Variants in SLC41A2 observed in about 807,000 individuals in gnomAD.
The protein encoded by SLC41A2 is SLC41A1-like 1.
In SLC41A2, 32 loss-of-function variants were observed where a neutral mutation model predicts 58.3. The observed-to-expected ratio is 0.55, with a 90% CI of 0.41 to 0.74. The LOEUF (loss-of-function observed/expected upper bound fraction) is 0.74. SLC41A2 is among the 30% of genes least tolerant of loss of function. The pLI, the probability that SLC41A2 is intolerant of heterozygous loss-of-function variation, is 0.00. For missense variants in SLC41A2, 514 were observed against 680.6 expected, an observed-to-expected ratio of 0.76 and a Z score of 2.72; for synonymous variants, 190 against 235.0, an observed-to-expected ratio of 0.81 and a Z score of 1.75.
chr12:104,808,380 T>C (rs2041018610), intron 10 of SLC41A2, among the ~76,000 whole-genome samples: 3 of 152,132 alleles, frequency 2.0e-5, no homozygotes, highest in African/African-American at 2.4e-5. Flanking sequence ...TATTGATTTG[T>C]GTATGTTGAA....
chr12:104,808,370 T>C (rs1298390662), intron 10 of SLC41A2, among the ~76,000 whole-genome samples: 1 of 152,210 alleles, frequency 6.6e-6, no homozygotes, highest in Non-Finnish European at 1.5e-5. Flanking sequence ...GGATTATGTT[T>C]ATTGATTTGT....
chr12:104,866,671 C>T (rs936960883), intron 6 of SLC41A2, 92 bp from the exon 7 acceptor site: 31 of 1,056,612 alleles, frequency 2.9e-5, no homozygotes, highest in South Asian at 1.4e-4. Flanking sequence ...CTAGAAGGTA[C>T]GACACTATCA....
chr12:104,895,191 G>A, intron 4 of SLC41A2, 83 bp downstream of exon 4: 5 of 931,182 alleles, frequency 5.4e-6, no homozygotes, highest in Non-Finnish European at 8.7e-6. Flanking sequence ...TAGACTCATA[G>A]TACTAAAATT....
In SLC41A2 at chr12:104,856,218, A is replaced by G. The variant is rs571258862; in HGVS notation, c.1255+5073T>C. 1.3e-4 allele frequency among the ~76,000 whole-genome samples: 20 copies of G among 152,332 alleles called. No homozygotes were observed. In the South Asian group the frequency reaches 3.5e-3, roughly 27 times the overall value. ...TAGAAGCTCAAGAGCAGGGTCTTGA[A>G]GAATACAAAGAGACAGGTAGAAAGA... On this transcript the variant is annotated intron_variant, in intron 8 of 10. Transcript: ENST00000258538.
chr12:104,859,632 A>G (rs2043135089), intron 8 of SLC41A2, among the ~76,000 whole-genome samples: 1 of 152,212 alleles, frequency 6.6e-6, no homozygotes, highest in Non-Finnish European at 1.5e-5. Context: ...TTGATATTCT[A>G]AAGTGATATA....
chr12:104,947,351 G>C (rs144021419), intron 1 of SLC41A2, among the ~76,000 whole-genome samples: 2 of 150,984 alleles, frequency 1.3e-5, no homozygotes, highest in Non-Finnish European at 3.0e-5. Flanking sequence ...CTACAGGTGC[G>C]CACCACCATG....
chr12:104,852,488 T>C (rs796115701), intron 8 of SLC41A2, among the ~76,000 whole-genome samples: 7 of 152,318 alleles, frequency 4.6e-5, no homozygotes, highest in African/African-American at 1.7e-4. Context: ...AATTTGTTGG[T>C]AAAACTTTAT....
intron 6 of SLC41A2, among the ~76,000 whole-genome samples, chr12:104,868,887 A>G (rs2043613403): frequency 6.6e-6 from 1 of 152,214 alleles, no homozygotes; most frequent in Non-Finnish European, 1.5e-5. Context: ...GCCAGACTCA[A>G]AAGGTCACAT....
intron 6 of SLC41A2, among the ~76,000 whole-genome samples, chr12:104,881,224 T>G (rs2044352376): frequency 6.6e-6 from 1 of 152,154 alleles, no homozygotes; most frequent in Non-Finnish European, 1.5e-5. Context: ...TTATTAGTCT[T>G]GCTAGCGGTC....
intron 10 of SLC41A2, among the ~76,000 whole-genome samples, chr12:104,807,856 GCTCT>G (rs1414774906): frequency 5.3e-5 from 8 of 151,922 alleles, no homozygotes; most frequent in South Asian, 4.2e-4. Context: ...TCATGATTTG[GCTCT>G]CTGTTTGTCT....
chr12:104,926,797 G>C lies in SLC41A2; in HGVS notation c.555+1176C>G, dbSNP rs74343030. 3.4e-3 allele frequency among the ~76,000 whole-genome samples: 520 copies of C among 152,270 alleles called. 2 individuals are homozygous for C. Among genetic ancestry groups the C allele is most frequent in the African/African-American group, 0.012 (483 of 41,534 alleles). On this transcript the variant is annotated intron_variant, in intron 2 of 10. Coordinates refer to ENST00000258538, the MANE Select transcript of SLC41A2 (RefSeq NM_001352171.3). ...ATATGAAAAAGATCAAGAAGACCCA[G>C]TGTTGGCTGGGCACAGTGGTACACA...
intron 3 of SLC41A2, among the ~76,000 whole-genome samples, chr12:104,906,044 G>A (rs902551544): frequency 3.3e-5 from 5 of 152,218 alleles, no homozygotes; most frequent in Non-Finnish European, 7.3e-5. Context: ...AGCAAGCGAG[G>A]GCTCTGAGGA....
chr12:104,932,741 C>T (rs1453233109), intron 1 of SLC41A2, among the ~76,000 whole-genome samples: 1 of 150,378 alleles, frequency 6.6e-6, no homozygotes, highest in Admixed American at 6.6e-5. Context: ...CCAAATACAA[C>T]CAACTGATAT....
intron 3 of SLC41A2, among the ~76,000 whole-genome samples, chr12:104,901,539 T>TTTTA (rs754375681): frequency 2.4e-4 from 36 of 151,944 alleles, no homozygotes; most frequent in East Asian, 3.9e-4. Flanking sequence ...GGAAACCTAT[T>TTTTA]TTTATTTATT....
At chr12:104,937,876 C>T (rs1565916699) in intron 1 of SLC41A2, among the ~76,000 whole-genome samples, 1 of 152,226 alleles carries the variant, frequency 6.6e-6, no homozygotes, top group Non-Finnish European at 1.5e-5. Context: ...TATTACCAGG[C>T]TTTCAAGTGT....
intron 10 of SLC41A2, chr12:104,833,987 T>C (rs1286908510): frequency 2.0e-6 from 2 of 983,262 alleles, no homozygotes; most frequent in African/African-American, 3.5e-5. Flanking sequence ...GGAAGCAATG[T>C]CCTAAGCAGA....
chr12:104,806,385 G>A (rs1342036664), intron 10 of SLC41A2, among the ~76,000 whole-genome samples: 1 of 152,122 alleles, frequency 6.6e-6, no homozygotes, highest in African/African-American at 2.4e-5. Flanking sequence ...CCCTACAAAG[G>A]ACATGAACTC....
chr12:104,917,477 A>T (rs1465055756), intron 2 of SLC41A2, among the ~76,000 whole-genome samples: 1 of 152,144 alleles, frequency 6.6e-6, no homozygotes, highest in Non-Finnish European at 1.5e-5. Flanking sequence ...ATTACTGGGT[A>T]TATACCCAAA....
chr12:104,853,176 A>G (rs1211279604), intron 8 of SLC41A2, among the ~76,000 whole-genome samples: 4 of 152,194 alleles, frequency 2.6e-5, no homozygotes, highest in African/African-American at 4.8e-5. Context: ...ATCCAAATTT[A>G]TGTTTTGTTA....
Sources: gnomAD v4.1 joint callset for allele counts (sites outside exome capture counted in the v4.1 genomes callset) on GRCh38, gnomAD v4.1.1 for gene constraint, MANE v1.5 for transcripts, NCBI Gene and HGNC (gene_info 2026-07-23, HGNC 2026-07-21) for gene names.